ASTN2: variants seen among roughly 807,000 people sequenced by gnomAD.
ASTN2 encodes astrotactin 2.
A neutral mutation model predicts 139.8 loss-of-function variants in ASTN2; 54 were observed. The observed-to-expected ratio is 0.39, with a 90% CI of 0.31 to 0.48. The LOEUF (loss-of-function observed/expected upper bound fraction) is 0.48. Among genes scored for constraint, ASTN2 ranks in the 20% least tolerant of loss-of-function variants. The pLI is 0.95. For missense variants in ASTN2, 1,565 were observed against 1,725.1 expected (o/e 0.91, Z 1.64); for synonymous variants, 756 against 719.5 (o/e 1.05, Z -0.81).
intron 3 of ASTN2, among the ~76,000 whole-genome samples, chr9:117,167,093 C>T (rs868579931): frequency 1.3e-5 from 2 of 151,894 alleles, no homozygotes; most frequent in East Asian, 1.9e-4. Flanking sequence ...AAAGATAATT[C>T]GAAATTTTGA....
intron 10 of ASTN2, among the ~76,000 whole-genome samples, chr9:116,893,159 T>TCACACACACACACA (rs56263614): frequency 6.7e-6 from 1 of 149,232 alleles, no homozygotes; most frequent in South Asian, 2.1e-4. Context: ...TAAAGGTGTA[T>TCACACACACACACA]CACACACACA....
At chr9:116,954,787 A>T (rs111787517) in intron 10 of ASTN2, among the ~76,000 whole-genome samples, 25 of 152,352 alleles carry the variant, frequency 1.6e-4, no homozygotes, top group African/African-American at 5.8e-4. Context: ...CACTCTGAAT[A>T]GTCTAATGCA....
At chr9:116,944,631 G>A (rs990318661) in intron 10 of ASTN2, among the ~76,000 whole-genome samples, 6 of 137,870 alleles carry the variant, frequency 4.4e-5, no homozygotes, top group Non-Finnish European at 9.1e-5. Context: ...GCAGTGAGTC[G>A]AGATCATGCC....
intron 22 of ASTN2, among the ~76,000 whole-genome samples, chr9:116,427,499 G>A (rs1410734000): frequency 6.6e-6 from 1 of 152,212 alleles, no homozygotes; most frequent in East Asian, 1.9e-4. Flanking sequence ...ACTTTTCTCT[G>A]CATTCCAGCA....
chr9:117,026,749 C>T (rs895432760), intron 6 of ASTN2, among the ~76,000 whole-genome samples: 2 of 152,062 alleles, frequency 1.3e-5, no homozygotes, highest in African/African-American at 4.8e-5. Flanking sequence ...TGATTGTGTA[C>T]TGGGGATTAC....
intron 10 of ASTN2, among the ~76,000 whole-genome samples, chr9:116,952,577 T>A (rs1835592816): frequency 6.6e-6 from 1 of 152,212 alleles, no homozygotes; most frequent in East Asian, 1.9e-4. Context: ...CAGGCTTTTA[T>A]CTCTGGCAAT....
At chr9:117,049,716 T>C (rs971973514) in intron 5 of ASTN2, among the ~76,000 whole-genome samples, 1 of 152,212 alleles carries the variant, frequency 6.6e-6, no homozygotes, top group African/African-American at 2.4e-5. Context: ...TGTATCCTTC[T>C]TCTTCCCAAG....
intron 1 of ASTN2, among the ~76,000 whole-genome samples, chr9:117,406,117 C>T (rs1457987111): frequency 6.6e-6 from 1 of 152,144 alleles, no homozygotes; most frequent in Admixed American, 6.5e-5. Flanking sequence ...CTACAATGTG[C>T]CAAGTAAAGG....
At chr9:116,553,653 T>C (rs141963431) in intron 19 of ASTN2, among the ~76,000 whole-genome samples, 2 of 152,294 alleles carry the variant, frequency 1.3e-5, no homozygotes, top group African/African-American at 4.8e-5. Flanking sequence ...CCTAGGCTGG[T>C]GTGATGGATA....
rs796219874 is a variant in ASTN2, at chr9:116,573,036, T to C, written c.3355+45288A>G. On this transcript the variant is annotated intron_variant, in intron 19 of 22. Coordinates refer to ENST00000313400, the MANE Select transcript of ASTN2 (RefSeq NM_001365068.1). Reference sequence around the variant, plus strand: ...ATGCACACACACACACACACACACATATATACACACACACACATCAGGAGG... The same window carrying C: ...ATGCACACACACACACACACACACACATATACACACACACACATCAGGAGG... Among the ~76,000 whole-genome samples, 29 of 108,416 alleles carry C rather than the reference T, an allele frequency of 2.7e-4. No homozygotes were observed. In the South Asian group the frequency reaches 2.8e-3, roughly 10 times the overall value. 71.1% of individuals were successfully genotyped at this position (108,416 alleles called of 152,430 possible).
At chr9:117,361,651 T>C (rs540268239) in intron 1 of ASTN2, among the ~76,000 whole-genome samples, 1 of 152,100 alleles carries the variant, frequency 6.6e-6, no homozygotes, top group Admixed American at 6.5e-5. Flanking sequence ...ATATCTCCCA[T>C]GGGGCAGTTC....
At position 116,510,470 on chromosome 9, in the gene ASTN2, G is replaced by A. The variant is rs550791666; in HGVS notation, c.3356-22970C>T. On this transcript the variant is annotated intron_variant, in intron 19 of 22. Transcript: ENST00000313400. ...CAGCTTTGTTTTTTTGCTTAGGATT[G>A]TCTTGGCAATGTGGGCTCTTTTTTG... is the stretch of plus-strand genomic sequence containing the variant. 1.7e-4 allele frequency among the ~76,000 whole-genome samples: 26 copies of A among 152,208 alleles called. No homozygotes were observed. In the East Asian group the frequency reaches 3.7e-3, roughly 22 times the overall value.
intron 10 of ASTN2, among the ~76,000 whole-genome samples, chr9:116,887,375 G>A (rs56955771): frequency 0.043 from 6,478 of 151,860 alleles, 255 homozygotes; most frequent in Middle Eastern, 0.11. Flanking sequence ...TGTTTAGGAT[G>A]GGAGGGGTGC....
chr9:116,540,565 T>G (rs546751281), intron 19 of ASTN2: 1 of 152,348 alleles, frequency 6.6e-6, no homozygotes, highest in Non-Finnish European at 1.5e-5. Flanking sequence ...GGATGAATTC[T>G]CCTTGGCGAG....
chr9:117,333,115 A>G (rs1003524675), intron 1 of ASTN2, among the ~76,000 whole-genome samples: 5 of 152,192 alleles, frequency 3.3e-5, no homozygotes, highest in Admixed American at 3.3e-4. Flanking sequence ...TACTCTAAAG[A>G]GGCAGATTAT....
chr9:116,914,575 A>T (rs865917663), intron 10 of ASTN2, among the ~76,000 whole-genome samples: 1 of 106,362 alleles, frequency 9.4e-6, no homozygotes, highest in Non-Finnish European at 2.0e-5. Context: ...ATTATTATTT[A>T]TATATATTTT....
At chr9:117,141,146 G>A (rs73657674) in intron 4 of ASTN2, among the ~76,000 whole-genome samples, 180 bp downstream of exon 4, 19,177 of 149,956 alleles carry the variant, frequency 0.13, 1,483 homozygotes, top group Non-Finnish European at 0.17. Context: ...GGCTCAGAGA[G>A]GTTAGCTCTG....
intron 2 of ASTN2, among the ~76,000 whole-genome samples, chr9:117,255,385 A>ACTTTTACC (rs1833656488): frequency 6.6e-6 from 1 of 152,198 alleles, no homozygotes. Flanking sequence ...ACACAGAAGC[A>ACTTTTACC]CTTTTAACCC....
chr9:116,566,892 C>T (rs1853260903), intron 19 of ASTN2, among the ~76,000 whole-genome samples: 2 of 152,094 alleles, frequency 1.3e-5, no homozygotes, highest in Admixed American at 6.6e-5. Flanking sequence ...GGGTCAGACT[C>T]CCCCCAACCT....
Sources: allele counts gnomAD v4.1 joint callset (sites outside exome capture counted in the v4.1 genomes callset), GRCh38; gene constraint gnomAD v4.1.1; transcripts MANE v1.5; gene names NCBI Gene and HGNC (gene_info 2026-07-23, HGNC 2026-07-21).